Variants in SLC22A3 observed in about 807,000 individuals in gnomAD.
The protein encoded by SLC22A3 is EMT organic cation transporter 3.
SLC22A3 carries 51 observed loss-of-function variants against 59.1 expected under a neutral mutation model. The observed-to-expected ratio is 0.86, with a 90% CI of 0.69 to 1.09. The LOEUF (loss-of-function observed/expected upper bound fraction) is 1.09, where lower values mean the gene tolerates loss of function less well. Among genes scored for constraint, SLC22A3 ranks in the 50% least tolerant of loss-of-function variants. The pLI, the probability that SLC22A3 is intolerant of heterozygous loss-of-function variation, is 0.00. For missense variants in SLC22A3, 711 were observed against 726.3 expected, an observed-to-expected ratio of 0.98 and a Z score of 0.24; for synonymous variants, 325 against 292.0, an observed-to-expected ratio of 1.11 and a Z score of -1.15.
At chr6:160,380,679 C>G (rs1402839227) in intron 1 of SLC22A3, among the ~76,000 whole-genome samples, 3 of 152,016 alleles carry the variant, frequency 2.0e-5, no homozygotes, top group Non-Finnish European at 4.4e-5. Flanking sequence ...TTTAAATTTT[C>G]AAAAAATTAA....
intron 2 of SLC22A3, among the ~76,000 whole-genome samples, chr6:160,405,414 G>A (rs1786972735): frequency 1.3e-5 from 2 of 152,124 alleles, no homozygotes; most frequent in Admixed American, 1.3e-4. Flanking sequence ...ACCAAATGCT[G>A]ACTAGGATGT....
chr6:160,423,763 C>G (rs1242335581), intron 5 of SLC22A3, among the ~76,000 whole-genome samples: 1 of 152,170 alleles, frequency 6.6e-6, no homozygotes. Flanking sequence ...TTCTCCCATT[C>G]TCTAGGTTGC....
chr6:160,426,366 T>A (rs1787953256), intron 5 of SLC22A3: 1 of 984,536 alleles, frequency 1.0e-6, no homozygotes. Flanking sequence ...AGAGTTGGGT[T>A]ACTTAAGACT....
intron 5 of SLC22A3, among the ~76,000 whole-genome samples, chr6:160,421,401 C>T (rs747013159): frequency 1.4e-4 from 22 of 152,186 alleles, no homozygotes; most frequent in African/African-American, 2.4e-4. Context: ...CCGAGCTTTG[C>T]GACATGACAT....
intron 1 of SLC22A3, among the ~76,000 whole-genome samples, chr6:160,387,924 C>T (rs964579236): frequency 7.9e-5 from 12 of 152,162 alleles, no homozygotes; most frequent in African/African-American, 2.9e-4. Context: ...GACCTTGTTT[C>T]TGTACTCCCA....
At chr6:160,442,473 A>G (rs186365548) in intron 7 of SLC22A3, among the ~76,000 whole-genome samples, 2 of 152,344 alleles carry the variant, frequency 1.3e-5, no homozygotes, top group Admixed American at 6.5e-5. Flanking sequence ...ATTGCCTGGA[A>G]CAATGTTCCA....
intron 7 of SLC22A3, among the ~76,000 whole-genome samples, chr6:160,439,990 T>C (rs1165696048): frequency 6.6e-6 from 1 of 152,236 alleles, no homozygotes; most frequent in East Asian, 1.9e-4. Context: ...ACAGATGAGC[T>C]TTTGGAGAAA....
At chr6:160,427,771 G>A (rs1195120935) in intron 5 of SLC22A3, among the ~76,000 whole-genome samples, 1 of 152,116 alleles carries the variant, frequency 6.6e-6, no homozygotes, top group Non-Finnish European at 1.5e-5. Flanking sequence ...AACAACTTTG[G>A]CTGACCAGTG....
rs554218339 is a variant in SLC22A3, at chr6:160,391,467, A to G, written c.430-6512A>G. Among the ~76,000 whole-genome samples, 5 of 152,290 alleles carry G rather than the reference A, an allele frequency of 3.3e-5. No homozygotes were observed. In the East Asian group the frequency reaches 9.7e-4, roughly 29 times the overall value. On this transcript the variant is annotated intron_variant, in intron 1 of 10. Transcript: ENST00000275300. Reference sequence around the variant, plus strand: ...GGGCTGAGTACTTTATGTATATTATACCAATGACTCATCATTCCAGTTCTT... The same window carrying G: ...GGGCTGAGTACTTTATGTATATTATGCCAATGACTCATCATTCCAGTTCTT...
At chr6:160,389,583 G>A (rs1200012140) in intron 1 of SLC22A3, among the ~76,000 whole-genome samples, 3 of 152,196 alleles carry the variant, frequency 2.0e-5, no homozygotes, top group Non-Finnish European at 4.4e-5. Context: ...TTGACTCTGT[G>A]ACACGTCTCT....
chr6:160,387,015 G>A (rs79014204), intron 1 of SLC22A3, among the ~76,000 whole-genome samples: 2,990 of 152,294 alleles, frequency 0.02, 89 homozygotes, highest in Middle Eastern at 0.11. Flanking sequence ...GGTACAACCT[G>A]GCACTGCAGC....
intron 7 of SLC22A3, among the ~76,000 whole-genome samples, chr6:160,440,259 A>G (rs1349463942): frequency 1.3e-5 from 2 of 152,212 alleles, no homozygotes; most frequent in East Asian, 3.8e-4. Flanking sequence ...AGCAGTTTGG[A>G]TAAGTCGTCT....
intron 1 of SLC22A3, among the ~76,000 whole-genome samples, chr6:160,379,019 G>A (rs958657020): frequency 6.6e-6 from 1 of 152,160 alleles, no homozygotes; most frequent in South Asian, 2.1e-4. Flanking sequence ...ACCATCCTAA[G>A]TTGGGGACCG....
intron 1 of SLC22A3, among the ~76,000 whole-genome samples, chr6:160,372,075 G>A (rs113821387): frequency 4.6e-5 from 7 of 152,246 alleles, no homozygotes; most frequent in African/African-American, 1.7e-4. Flanking sequence ...GGATGACAGT[G>A]TAAAGTCTCC....
rs117270468 is a variant in SLC22A3 at position 160,373,882 on chromosome 6, C to T, written c.430-24097C>T. 2.6e-4 allele frequency among the ~76,000 whole-genome samples: 39 copies of T among 152,236 alleles called. 1 individual carries two copies. The East Asian group carries it at 5.2e-3, about 20-fold the overall frequency. ...CCCACCAAGCTCGAGTGTCCCAGGT[C>T]GATTTCAGACTGCTGTGCCGGCAGC... On this transcript the variant is annotated intron_variant, in intron 1 of 10. Transcript: ENST00000275300.
chr6:160,410,442 T>G (rs547528367), intron 4 of SLC22A3, among the ~76,000 whole-genome samples: 3 of 152,230 alleles, frequency 2.0e-5, no homozygotes, highest in Non-Finnish European at 4.4e-5. Context: ...AAATCCCAAT[T>G]CTTTTCATAT....
chr6:160,382,842 G>A (rs1229058385), intron 1 of SLC22A3, among the ~76,000 whole-genome samples: 1 of 152,112 alleles, frequency 6.6e-6, no homozygotes, highest in Admixed American at 6.5e-5. Flanking sequence ...AATCTCAACA[G>A]AGAAATTACA....
intron 2 of SLC22A3, among the ~76,000 whole-genome samples, chr6:160,404,014 C>T (rs576574071): frequency 6.6e-6 from 1 of 151,962 alleles, no homozygotes; most frequent in South Asian, 2.1e-4. Context: ...AGAAACAAGC[C>T]AAATATGTCA....
chr6:160,424,002 G>T (rs1189985247), intron 5 of SLC22A3, among the ~76,000 whole-genome samples: 2 of 152,168 alleles, frequency 1.3e-5, no homozygotes, highest in East Asian at 1.9e-4. Flanking sequence ...TTTTGTATAA[G>T]GTGTAAGGAA....
Sources: allele counts gnomAD v4.1 joint callset (sites outside exome capture counted in the v4.1 genomes callset), GRCh38; gene constraint gnomAD v4.1.1; transcripts MANE v1.5; gene names NCBI Gene and HGNC (gene_info 2026-07-23, HGNC 2026-07-21).